MEGF11: variants seen among roughly 807,000 people sequenced by gnomAD.
The protein encoded by MEGF11 is multiple epidermal growth factor-like domains protein 11.
In MEGF11, 126 loss-of-function variants were observed where a neutral mutation model predicts 146.6. The ratio of observed to expected loss-of-function variants is 0.86; its 90% confidence interval spans 0.74 to 1.00. The LOEUF is 1.00. Ranked by LOEUF, MEGF11 falls within the 50% of genes least tolerant of loss-of-function variation. The probability of loss-of-function intolerance (pLI) is 0.00; values close to 1 mark genes in which losing one functional copy is unlikely to be tolerated. For synonymous variants in MEGF11, 532 were observed against 583.4 expected (o/e 0.91, Z 1.27); for missense variants, 1,509 against 1,521.2 (o/e 0.99, Z 0.13).
chr15:66,025,740 G>A (rs370536738), intron 5 of MEGF11, among the ~76,000 whole-genome samples: 16 of 152,140 alleles, frequency 1.1e-4, no homozygotes, highest in Admixed American at 7.9e-4. Flanking sequence ...TCAGCCCCCC[G>A]CCGAGGCTGA....
chr15:66,206,253 T>TG (rs1220559818), intron 1 of MEGF11, among the ~76,000 whole-genome samples: 1 of 151,708 alleles, frequency 6.6e-6, no homozygotes, highest in Non-Finnish European at 1.5e-5. Context: ...AAAACAGACT[T>TG]GAAAAAAATG....
intron 3 of MEGF11, among the ~76,000 whole-genome samples, chr15:66,121,612 C>T (rs1331507447): frequency 6.6e-6 from 1 of 152,154 alleles, no homozygotes; most frequent in Non-Finnish European, 1.5e-5. Context: ...AAACACACAA[C>T]CTTGCTCGTT....
intron 10 of MEGF11, among the ~76,000 whole-genome samples, chr15:65,937,383 T>G (rs2079827800): frequency 1.3e-5 from 2 of 152,242 alleles, no homozygotes; most frequent in Admixed American, 6.5e-5. Context: ...GGTCCTTTAT[T>G]GAGGTTGTTC....
intron 1 of MEGF11, among the ~76,000 whole-genome samples, chr15:66,169,957 C>T (rs553905875): frequency 1.3e-5 from 2 of 152,218 alleles, no homozygotes; most frequent in African/African-American, 2.4e-5. Flanking sequence ...CATAAAGTGT[C>T]CTTCTGCACA....
At chr15:65,916,100 G>T in intron 18 of MEGF11, 48 bp downstream of exon 18, 1 of 1,535,792 alleles carries the variant, frequency 6.5e-7, no homozygotes, top group Non-Finnish European at 8.8e-7. Flanking sequence ...TCTGCAGGAG[G>T]GTAGGGCCCA....
chr15:65,923,101 C>G (rs2079234706), intron 13 of MEGF11, 132 bp from the exon 14 acceptor site: 1 of 974,132 alleles, frequency 1.0e-6, no homozygotes, highest in Admixed American at 3.3e-5. Flanking sequence ...AGAGGAGAAA[C>G]CCGGCTGAGG....
intron 1 of MEGF11, among the ~76,000 whole-genome samples, chr15:66,145,014 C>T (rs182516292): frequency 7.9e-5 from 12 of 152,298 alleles, no homozygotes; most frequent in South Asian, 2.1e-4. Flanking sequence ...GCAGAGCAGG[C>T]GCCGATCCAG....
intron 5 of MEGF11, among the ~76,000 whole-genome samples, chr15:66,093,281 T>C: frequency 6.6e-6 from 1 of 152,112 alleles, no homozygotes; most frequent in South Asian, 2.1e-4. Flanking sequence ...GAGGCTCCAG[T>C]CAAGGCCTTT....
chr15:66,111,359 T>A (rs150157072), intron 4 of MEGF11, among the ~76,000 whole-genome samples: 41 of 152,354 alleles, frequency 2.7e-4, no homozygotes, highest in Non-Finnish European at 5.6e-4. Context: ...TCCAGTGATA[T>A]GGAGAAAGTG....
At chr15:66,060,244 G>A (rs1480500528) in intron 5 of MEGF11, among the ~76,000 whole-genome samples, 1 of 152,126 alleles carries the variant, frequency 6.6e-6, no homozygotes, top group Non-Finnish European at 1.5e-5. Flanking sequence ...GAGAGACAGA[G>A]ACACGGCAAA....
intron 5 of MEGF11, among the ~76,000 whole-genome samples, chr15:66,076,347 T>TA (rs11348293): frequency 0.61 from 89,193 of 145,460 alleles, 28,034 homozygotes; most frequent in Admixed American, 0.72. Context: ...AAGATCTTTG[T>TA]AAAAAAAAAA....
chr15:66,048,723 C>T lies in MEGF11; in HGVS notation c.394+45679G>A, dbSNP rs1396366527. The stretch of plus-strand genomic sequence containing the variant: ...GGGAAAGGCCTGGCCCTCTAAGGGT[C>T]CCAGATGGGCAAGTGAGTCCACAGG... On this transcript the variant is annotated intron_variant, in intron 5 of 25. Transcript: ENST00000395614. 4.6e-5 allele frequency among the ~76,000 whole-genome samples: 7 copies of T among 152,296 alleles called. No individual in the cohort carries two copies. The East Asian group carries it at 1.4e-3, about 29-fold the overall frequency.
chr15:66,251,931 A>ATGCTCAACGTC (rs1567299512), intron 1 of MEGF11, among the ~76,000 whole-genome samples: 3 of 152,206 alleles, frequency 2.0e-5, no homozygotes, highest in Non-Finnish European at 4.4e-5. Context: ...GGAGCAGAGG[A>ATGCTCAACGTC]TGCTCAACGT....
chr15:65,922,841 C>G lies in MEGF11; in HGVS notation c.1804G>C (p.Gly602Arg). The G allele has an allele frequency of 1.2e-6, 2 of 1,613,802 alleles. No homozygotes were observed. Among genetic ancestry groups the G allele is most frequent in the South Asian group, 1.1e-5 (1 of 91,070 alleles). ...GCCTTACTTCTCTGGCATAAGGGTCCTCGGAAGCCAGGGGCACACTCGCAG... is the reference window on the plus strand; with the variant it reads ...GCCTTACTTCTCTGGCATAAGGGTCGTCGGAAGCCAGGGGCACACTCGCAG... ...GSCECAPGFR[G>R]PLCQRICPPG... Residue 602 changes from glycine to arginine, a missense_variant, in exon 14 of 26, where the codon GGA becomes CGA. Coordinates refer to ENST00000395614, the MANE Select transcript of MEGF11 (RefSeq NM_001385028.1).
At chr15:66,094,626 G>C (rs923724057) in intron 4 of MEGF11, 132 bp from the exon 5 acceptor site, 8 of 706,472 alleles carry the variant, frequency 1.1e-5, no homozygotes, top group African/African-American at 5.3e-5. Context: ...GACTGGCTTG[G>C]GGGGGAAAAT....
At chr15:66,121,494 G>A (rs2088022232) in intron 3 of MEGF11, among the ~76,000 whole-genome samples, 1 of 152,198 alleles carries the variant, frequency 6.6e-6, no homozygotes, top group African/African-American at 2.4e-5. Flanking sequence ...GGCACTTGAG[G>A]GAGGACAAAA....
intron 5 of MEGF11, among the ~76,000 whole-genome samples, chr15:65,990,315 C>T (rs2081989686): frequency 6.6e-6 from 1 of 152,170 alleles, no homozygotes; most frequent in African/African-American, 2.4e-5. Flanking sequence ...CTTTGAAAGG[C>T]TGAGGCAGAA....
intron 1 of MEGF11, among the ~76,000 whole-genome samples, chr15:66,211,350 C>A (rs1001284585): frequency 2.0e-5 from 3 of 152,004 alleles, no homozygotes; most frequent in Admixed American, 6.5e-5. Flanking sequence ...GGTGAAACCC[C>A]GTCTCTACTA....
In MEGF11 at chr15:65,915,553, T is replaced by A. The variant is rs141772244; in HGVS notation, c.2390A>T (p.Glu797Val). ...TFGYGCQQLCECMNNSTCDHV... is the reference protein window; with the variant it reads ...TFGYGCQQLCVCMNNSTCDHV... Reference sequence around the variant, plus strand: ...GTCACAGGTGGAGTTGTTCATGCACTCACATAGCTGCTGACACCCATAGCC... The same window carrying A: ...GTCACAGGTGGAGTTGTTCATGCACACACATAGCTGCTGACACCCATAGCC... Residue 797 changes from glutamate to valine, a missense_variant, in exon 19 of 26, where the codon GAG (glutamate) becomes GTG (valine). Transcript: ENST00000395614. 1.1e-5 allele frequency: 18 copies of A among 1,613,818 alleles called. No homozygotes were observed. The African/African-American group carries it at 2.4e-4, about 22-fold the overall frequency.
Sources: allele counts gnomAD v4.1 joint callset (sites outside exome capture counted in the v4.1 genomes callset), GRCh38; gene constraint gnomAD v4.1.1; transcripts MANE v1.5; gene names NCBI Gene and HGNC (gene_info 2026-07-23, HGNC 2026-07-21).